The following MBNL1 variants were observed in gnomAD, a reference collection of about 807,000 sequenced individuals.
MBNL1 encodes the protein muscleblind like splicing regulator 1.
A neutral mutation model predicts 42.2 loss-of-function variants in MBNL1; 8 were observed. The observed-to-expected ratio is 0.19, with a 90% CI of 0.11 to 0.34. The LOEUF is 0.34. Ranked by LOEUF, MBNL1 falls within the 10% of genes least tolerant of loss-of-function variation. MBNL1 has a pLI of 1.00. For synonymous variants in MBNL1, 169 were observed against 173.9 expected (o/e 0.97, Z 0.22); for missense variants, 309 against 495.3 (o/e 0.62, Z 3.57).
At chr3:152,344,689 C>T (rs1204489987) in intron 2 of MBNL1, among the ~76,000 whole-genome samples, 2 of 152,088 alleles carry the variant, frequency 1.3e-5, no homozygotes, top group South Asian at 2.1e-4. Flanking sequence ...TAAACATTTT[C>T]GCTTTCGAAA....
chr3:152,313,337 T>C (rs1207551545), intron 2 of MBNL1, among the ~76,000 whole-genome samples: 3 of 152,154 alleles, frequency 2.0e-5, no homozygotes, highest in Non-Finnish European at 4.4e-5. Context: ...TTTTATTTTT[T>C]ATGGCAAAGA....
chr3:152,461,140 C>T (rs1745053860), intron 9 of MBNL1, among the ~76,000 whole-genome samples: 1 of 152,132 alleles, frequency 6.6e-6, no homozygotes, highest in Non-Finnish European at 1.5e-5. Context: ...CTCAGAAACC[C>T]TTGTGATGTT....
At chr3:152,314,357 G>A (rs1332075113) in intron 2 of MBNL1, among the ~76,000 whole-genome samples, 1 of 150,766 alleles carries the variant, frequency 6.6e-6, no homozygotes, top group Non-Finnish European at 1.5e-5. Context: ...CTGTTGAAAT[G>A]GTCCGTTTTG....
At chr3:152,288,260 A>G (rs1056516765) in intron 1 of MBNL1, among the ~76,000 whole-genome samples, 8 of 152,242 alleles carry the variant, frequency 5.3e-5, no homozygotes, top group Non-Finnish European at 8.8e-5. Context: ...CCAAGAGGAC[A>G]TACATGCAAA....
chr3:152,374,555 A>G (rs898960771), intron 2 of MBNL1, among the ~76,000 whole-genome samples: 1 of 152,204 alleles, frequency 6.6e-6, no homozygotes, highest in Non-Finnish European at 1.5e-5. Flanking sequence ...TGCCGTGACC[A>G]TTCAAACTAG....
At chr3:152,405,914 TACAA>T (rs765045381) in intron 2 of MBNL1, among the ~76,000 whole-genome samples, 7 of 152,192 alleles carry the variant, frequency 4.6e-5, no homozygotes, top group Non-Finnish European at 1.0e-4. Flanking sequence ...GTATTTCAGC[TACAA>T]ACAGTTTAGA....
At chr3:152,389,171 C>A (rs1011083324) in intron 2 of MBNL1, among the ~76,000 whole-genome samples, 2 of 152,070 alleles carry the variant, frequency 1.3e-5, no homozygotes, top group Non-Finnish European at 2.9e-5. Context: ...TCACCACAAC[C>A]TCCGCCTCCC....
chr3:152,301,100 A>G, intron 2 of MBNL1: 1 of 163,694 alleles, frequency 6.1e-6, no homozygotes, highest in Non-Finnish European at 1.3e-5. Flanking sequence ...TATTTGTAAT[A>G]GTCTTAGCTA....
chr3:152,289,429 A>C (rs895592367), intron 1 of MBNL1, among the ~76,000 whole-genome samples: 3 of 152,124 alleles, frequency 2.0e-5, no homozygotes, highest in African/African-American at 4.8e-5. Flanking sequence ...AAGGATATTT[A>C]AGTTACATTG....
intron 2 of MBNL1, among the ~76,000 whole-genome samples, chr3:152,383,584 G>T (rs373132920): frequency 6.6e-6 from 1 of 151,994 alleles, no homozygotes. Flanking sequence ...ATCAACAAAG[G>T]TTTCTTATGC....
At chr3:152,340,398 T>G (rs1038287627) in intron 2 of MBNL1, 1 of 1,094,990 alleles carries the variant, frequency 9.1e-7, no homozygotes, top group Non-Finnish European at 1.3e-6. Context: ...TGTAAGATTG[T>G]AATGACAATG....
intron 2 of MBNL1, among the ~76,000 whole-genome samples, chr3:152,386,634 C>T (rs1315685723): frequency 6.6e-6 from 1 of 152,028 alleles, no homozygotes. Flanking sequence ...ACATCTATCT[C>T]AACATCCCGT....
At chr3:152,386,264 C>CT (rs1318442022) in intron 2 of MBNL1, among the ~76,000 whole-genome samples, 3 of 151,812 alleles carry the variant, frequency 2.0e-5, no homozygotes, top group African/African-American at 7.3e-5. Flanking sequence ...AAAAAAGGAA[C>CT]TTTTTTTATG....
chr3:152,455,473 G>A (rs1016198422), intron 6 of MBNL1, 69 bp from the exon 7 acceptor site: 15 of 1,216,710 alleles, frequency 1.2e-5, no homozygotes, highest in Admixed American at 1.7e-5. Flanking sequence ...CTAATTACAC[G>A]TGTGATGGGA....
At chr3:152,410,271 T>C (rs1358423924) in intron 2 of MBNL1, among the ~76,000 whole-genome samples, 1 of 152,148 alleles carries the variant, frequency 6.6e-6, no homozygotes, top group African/African-American at 2.4e-5. Flanking sequence ...TTATAGCAGT[T>C]TGAAAGACTA....
intron 2 of MBNL1, chr3:152,340,531 T>C: frequency 6.3e-7 from 1 of 1,588,196 alleles, no homozygotes; most frequent in African/African-American, 1.4e-5. Flanking sequence ...AGATTTTTAA[T>C]TCTTCATGAG....
chr3:152,306,027 T>C (rs1292666934), intron 2 of MBNL1, among the ~76,000 whole-genome samples: 1 of 152,226 alleles, frequency 6.6e-6, no homozygotes, highest in Non-Finnish European at 1.5e-5. Flanking sequence ...ACCCCTGATA[T>C]CTTCTAATTT....
intron 2 of MBNL1, among the ~76,000 whole-genome samples, chr3:152,320,992 T>G (rs932812782): frequency 1.3e-5 from 2 of 152,114 alleles, no homozygotes; most frequent in Admixed American, 6.6e-5. Flanking sequence ...GAAAAGAGAA[T>G]CCAAGCTTCC....
chr3:152,337,265 C>T (rs896400640), intron 2 of MBNL1, among the ~76,000 whole-genome samples: 1 of 152,118 alleles, frequency 6.6e-6, no homozygotes, highest in Non-Finnish European at 1.5e-5. Context: ...AAAAGCATAA[C>T]ATGAAGCAGA....
Sources: allele counts gnomAD v4.1 joint callset (sites outside exome capture counted in the v4.1 genomes callset), GRCh38; gene constraint gnomAD v4.1.1; transcripts MANE v1.5; gene names NCBI Gene and HGNC (gene_info 2026-07-23, HGNC 2026-07-21).